PRR5L: variants seen among roughly 807,000 people sequenced by gnomAD.
The protein encoded by PRR5L is proline rich 5 like.
PRR5L carries 21 observed loss-of-function variants against 36.4 expected under a neutral mutation model. The observed-to-expected ratio is 0.58, with a 90% CI of 0.41 to 0.83. The LOEUF (loss-of-function observed/expected upper bound fraction) is 0.83, where lower values mean the gene tolerates loss of function less well. Among genes scored for constraint, PRR5L ranks in the 40% least tolerant of loss-of-function variants. The probability of loss-of-function intolerance (pLI) is 0.00; values close to 1 mark genes in which losing one functional copy is unlikely to be tolerated. For missense variants in PRR5L, 381 were observed against 473.3 expected, an observed-to-expected ratio of 0.80 and a Z score of 1.81; for synonymous variants, 188 against 197.0, an observed-to-expected ratio of 0.95 and a Z score of 0.38.
chr11:36,335,992 G>A (rs1169290768), intron 1 of PRR5L, among the ~76,000 whole-genome samples: 2 of 152,074 alleles, frequency 1.3e-5, no homozygotes, highest in African/African-American at 2.4e-5. Context: ...GGGTGAAAAC[G>A]GGAGGAGGCA....
chr11:36,327,842 G>A (rs565338001), intron 1 of PRR5L, among the ~76,000 whole-genome samples: 5 of 152,058 alleles, frequency 3.3e-5, no homozygotes, highest in Admixed American at 2.0e-4. Flanking sequence ...TACCCCTGTC[G>A]GCACCCCCTG....
chr11:36,448,104 C>G (rs1449382661), intron 7 of PRR5L, among the ~76,000 whole-genome samples: 1 of 152,118 alleles, frequency 6.6e-6, no homozygotes, highest in Non-Finnish European at 1.5e-5. Context: ...TGAAGACTCT[C>G]ACCTGTTGCT....
intron 1 of PRR5L, among the ~76,000 whole-genome samples, chr11:36,337,695 A>G (rs144160962): frequency 1.8e-4 from 28 of 152,284 alleles, no homozygotes; most frequent in African/African-American, 5.8e-4. Flanking sequence ...ATTGTTCCGC[A>G]TGGTATCCTC....
chr11:36,460,345 G>T (rs1045508441), intron 8 of PRR5L, among the ~76,000 whole-genome samples: 1 of 152,052 alleles, frequency 6.6e-6, no homozygotes, highest in Admixed American at 6.5e-5. Context: ...AGGACCCGGC[G>T]CTGGGTCTCA....
chr11:36,400,364 C>T (rs1310935955), intron 1 of PRR5L, among the ~76,000 whole-genome samples: 1 of 152,176 alleles, frequency 6.6e-6, no homozygotes, highest in African/African-American at 2.4e-5. Context: ...GTTATCTTCT[C>T]CATAGGCTGA....
chr11:36,299,845 G>A (rs542828147), intron 1 of PRR5L, among the ~76,000 whole-genome samples: 24 of 152,086 alleles, frequency 1.6e-4, no homozygotes, highest in Non-Finnish European at 2.8e-4. Context: ...CTGCTAAAAT[G>A]TTTTCTTCTT....
intron 6 of PRR5L, among the ~76,000 whole-genome samples, chr11:36,440,781 A>G (rs761917831): frequency 6.6e-6 from 1 of 152,206 alleles, no homozygotes; most frequent in African/African-American, 2.4e-5. Flanking sequence ...GCCCCAGGTG[A>G]GGCCACAGCA....
At chr11:36,302,067 T>A (rs1856382601) in intron 1 of PRR5L, among the ~76,000 whole-genome samples, 1 of 152,230 alleles carries the variant, frequency 6.6e-6, no homozygotes, top group African/African-American at 2.4e-5. Flanking sequence ...TGTACTGTTA[T>A]TGCACTGTGC....
At chr11:36,442,795 G>A (rs915680704) in intron 6 of PRR5L, among the ~76,000 whole-genome samples, 3 of 152,090 alleles carry the variant, frequency 2.0e-5, no homozygotes, top group African/African-American at 4.8e-5. Flanking sequence ...ATTTCCACTT[G>A]AGACCACCTC....
intron 1 of PRR5L, among the ~76,000 whole-genome samples, chr11:36,305,273 TAA>T (rs1856418850): frequency 6.6e-6 from 1 of 152,206 alleles, no homozygotes; most frequent in Non-Finnish European, 1.5e-5. Flanking sequence ...AAGTCAGTCA[TAA>T]AAAGCTACAT....
At chr11:36,336,512 G>A (rs182122996) in intron 1 of PRR5L, among the ~76,000 whole-genome samples, 166 of 143,750 alleles carry the variant, frequency 1.2e-3, no homozygotes, top group Admixed American at 1.9e-3. Flanking sequence ...TTACAGGCTT[G>A]AACCACCGCG....
At chr11:36,343,047 T>C (rs558647594) in intron 1 of PRR5L, among the ~76,000 whole-genome samples, 2 of 152,180 alleles carry the variant, frequency 1.3e-5, no homozygotes, top group Admixed American at 6.5e-5. Context: ...CTTAAAGTGA[T>C]TGGCAGCTTA....
intron 1 of PRR5L, among the ~76,000 whole-genome samples, chr11:36,324,875 G>A (rs888233864): frequency 2.0e-5 from 3 of 151,956 alleles, no homozygotes; most frequent in Non-Finnish European, 4.4e-5. Context: ...CTTAATTTTA[G>A]TGAAAGTCTG....
intron 1 of PRR5L, among the ~76,000 whole-genome samples, chr11:36,340,560 G>A (rs1856808236): frequency 6.6e-6 from 1 of 152,182 alleles, no homozygotes; most frequent in Admixed American, 6.5e-5. Context: ...TGCAGATGAG[G>A]GAACTGGGGC....
chr11:36,354,997 A>G (rs765112716), intron 1 of PRR5L, among the ~76,000 whole-genome samples: 3 of 152,170 alleles, frequency 2.0e-5, no homozygotes, highest in Non-Finnish European at 4.4e-5. Flanking sequence ...TGCTGCTTGG[A>G]GATGATTGTT....
rs761610888 is a variant in PRR5L, at chr11:36,403,332, G to A, written c.199G>A (p.Gly67Ser). The change falls in exon 3 of 9, where the codon GGT becomes AGT. Residue 67 changes from glycine to serine, a missense_variant. Physicochemically the swap from Gly to Ser is moderately conservative, Grantham distance 56. Coordinates refer to ENST00000530639, the MANE Select transcript of PRR5L (RefSeq NM_001160167.2). ...QTAVINVFKG[G>S]GLQSNELYAL... The stretch of plus-strand genomic sequence containing the variant: ...TGCTGTGATCAACGTTTTCAAAGGG[G>A]GTGGCTTGCAAAGCAACGAGCTCTA... 3 of 1,614,148 alleles carry A rather than the reference G, an allele frequency of 1.9e-6. No homozygotes were observed. Among genetic ancestry groups the A allele is most frequent in the Non-Finnish European group, 2.5e-6 (3 of 1,180,030 alleles).
chr11:36,299,873 G>A (rs1189765754), intron 1 of PRR5L, among the ~76,000 whole-genome samples: 1 of 152,044 alleles, frequency 6.6e-6, no homozygotes, highest in African/African-American at 2.4e-5. Context: ...AACTATAAAG[G>A]TAAACAACAA....
At chr11:36,385,581 ACT>A (rs1857442144) in intron 1 of PRR5L, among the ~76,000 whole-genome samples, 1 of 152,020 alleles carries the variant, frequency 6.6e-6, no homozygotes, top group Non-Finnish European at 1.5e-5. Context: ...GCAAATTTGG[ACT>A]CTCAGACTCT....
intron 6 of PRR5L, among the ~76,000 whole-genome samples, chr11:36,445,156 T>C (rs1590599012): frequency 6.6e-6 from 1 of 152,342 alleles, no homozygotes; most frequent in East Asian, 1.9e-4. Context: ...CTCTTGACCA[T>C]GTTTCTATAA....
Sources: gnomAD v4.1 joint callset for allele counts (sites outside exome capture counted in the v4.1 genomes callset) on GRCh38, gnomAD v4.1.1 for gene constraint, MANE v1.5 for transcripts, NCBI Gene and HGNC (gene_info 2026-07-23, HGNC 2026-07-21) for gene names.